CROCC2: variants seen among roughly 807,000 people sequenced by gnomAD.
CROCC2 encodes the protein ciliary rootlet coiled-coil protein 2.
CROCC2 carries 163 observed loss-of-function variants against 177.6 expected under a neutral mutation model. That is an observed-to-expected ratio of 0.92 (90% CI 0.81 to 1.05). The LOEUF (loss-of-function observed/expected upper bound fraction) is 1.05, where lower values mean the gene tolerates loss of function less well. Ranked by LOEUF, CROCC2 falls within the 50% of genes least tolerant of loss-of-function variation. The pLI, the probability that CROCC2 is intolerant of heterozygous loss-of-function variation, is 0.00. For synonymous variants in CROCC2, 904 were observed against 787.3 expected, an observed-to-expected ratio of 1.15 and a Z score of -2.48; for missense variants, 1,929 against 1,797.8, an observed-to-expected ratio of 1.07 and a Z score of -1.32.
chr2:240,962,556 G>T (rs555031264), intron 20 of CROCC2, among the ~76,000 whole-genome samples: 2 of 152,148 alleles, frequency 1.3e-5, no homozygotes, highest in South Asian at 2.1e-4. Flanking sequence ...CGGCAGCCTC[G>T]GGAGCCAGGC....
At chr2:240,983,835 C>T in intron 28 of CROCC2, 1 of 332,730 alleles carries the variant, frequency 3.0e-6, no homozygotes, top group South Asian at 2.2e-5. Context: ...AGTGTCTGAG[C>T]CCAGCTTTGC....
intron 4 of CROCC2, among the ~76,000 whole-genome samples, chr2:240,925,327 C>G (rs528682162): frequency 1.1e-4 from 17 of 152,286 alleles, no homozygotes; most frequent in Admixed American, 9.1e-4. Flanking sequence ...GAAGCCGTCC[C>G]CCACCACGGG....
intron 18 of CROCC2, among the ~76,000 whole-genome samples, chr2:240,952,731 G>C (rs1160042386): frequency 6.6e-6 from 1 of 152,204 alleles, no homozygotes; most frequent in East Asian, 1.9e-4. Flanking sequence ...GACGGGCCTT[G>C]GGCGCCAGCA....
chr2:240,962,012 A>ACC (rs2059643524), intron 20 of CROCC2, among the ~76,000 whole-genome samples: 2 of 65,066 alleles, frequency 3.1e-5, no homozygotes, highest in Admixed American at 2.8e-4. Context: ...CTCATCACCC[A>ACC]CACACACACA....
In CROCC2 at chr2:240,918,805, C is replaced by A; in HGVS notation, c.158C>A (p.Ala53Asp). The change falls in exon 2 of 32, where the codon GCC becomes GAC. Residue 53 changes from alanine (A) to aspartate (D), a missense_variant. By Grantham distance (126) the Ala-to-Asp change is moderately radical (BLOSUM62 -2). This residue lies in a region of CROCC2 where 1,397 missense variants were observed against 1,239.9 expected (regional missense o/e 1.13). Transcript: ENST00000690015. The surrounding 1 kb of genome is among the most constrained non-coding windows in gnomAD (Gnocchi z 6.3). The part of the protein sequence containing the change: ...ALTVRGEGRQ[A>D]SPTPVPTRIR... ...ACCGTGCGTGGGGAAGGCCGGCAGG[C>A]CTCGCCCACCCCCGTGCCCACCCGC... 1.6e-6 allele frequency: 1 copy of A among 607,852 alleles called. No homozygotes were observed. The allele number at this position is 607,852 out of a possible 1,614,324, so 37.7% of individuals were successfully genotyped here.
chr2:240,989,924 G>T, intron 30 of CROCC2, 91 bp downstream of exon 30: 9 of 1,278,074 alleles, frequency 7.0e-6, no homozygotes, highest in Non-Finnish European at 9.5e-6. Flanking sequence ...GTGACTTCTT[G>T]AAGTCCTCTA....
At position 240,933,258 on chromosome 2, in the gene CROCC2, G is replaced by C. The variant is rs555191258; in HGVS notation, c.1379G>C (p.Arg460Pro). The C allele has an allele frequency of 1.3e-6, 2 of 1,548,498 alleles. No homozygotes were observed. Among genetic ancestry groups the C allele is most frequent in the Non-Finnish European group, 1.7e-6 (2 of 1,146,552 alleles). ...LQQERAREQA[R>P]EREALRGQLE... ...CAGGAGCGGGCTCGGGAGCAGGCACGGGAACGAGAGGCTCTTCGGGGCCAG... is the reference window on the plus strand; with the variant it reads ...CAGGAGCGGGCTCGGGAGCAGGCACCGGAACGAGAGGCTCTTCGGGGCCAG... The change falls in exon 10 of 32, where the codon CGG becomes CCG. Residue 460 changes from arginine to proline, a missense_variant. By Grantham distance (103) the Arg-to-Pro change is moderately radical. This residue lies in a region of CROCC2 where 1,397 missense variants were observed against 1,239.9 expected (regional missense o/e 1.13). Coordinates refer to ENST00000690015, the MANE Select transcript of CROCC2 (RefSeq NM_001351305.2).
chr2:240,948,287 G>A (rs2059534876), intron 15 of CROCC2, among the ~76,000 whole-genome samples: 2 of 152,118 alleles, frequency 1.3e-5, no homozygotes, highest in Admixed American at 6.5e-5. Context: ...AGGCTTGGAT[G>A]TGCTCTACCC....
Position 240,950,414 on chromosome 2 carries a change from A to C in CROCC2, c.2733A>C (p.Lys911Asn). 1.3e-6 allele frequency: 2 copies of C among 1,550,330 alleles called. No homozygotes were observed. Among genetic ancestry groups the C allele is most frequent in the Non-Finnish European group, 1.7e-6 (2 of 1,146,832 alleles). ...AGCAGGAGAAGGAGCTGGTGACAAA[A>C]AGTGCAGCTGAGAGGGAGGCTCTGA... is the stretch of plus-strand genomic sequence containing the variant. ...QLEQEKELVTKSAAEREALKG... is the reference protein window; with the variant it reads ...QLEQEKELVTNSAAEREALKG... Residue 911 changes from lysine (K) to asparagine (N), a missense_variant, in exon 18 of 32, where the codon AAA becomes AAC. Lys to Asn is a moderately conservative substitution (Grantham distance 94). Coordinates refer to ENST00000690015, the MANE Select transcript of CROCC2 (RefSeq NM_001351305.2).
At chr2:240,992,288 G>A (rs1285662480) in intron 31 of CROCC2, among the ~76,000 whole-genome samples, 2 of 152,182 alleles carry the variant, frequency 1.3e-5, no homozygotes, top group Non-Finnish European at 2.9e-5. Flanking sequence ...TGTGCCACAG[G>A]GGCCTCCCGT....
intron 14 of CROCC2, among the ~76,000 whole-genome samples, chr2:240,945,219 A>G (rs2059515884): frequency 6.6e-6 from 1 of 152,244 alleles, no homozygotes; most frequent in Non-Finnish European, 1.5e-5. Flanking sequence ...TATAGGCGTG[A>G]GCCGCCTCAG....
chr2:240,948,978 G>A lies in CROCC2; in HGVS notation c.2364-1G>A, dbSNP rs764018191. The A allele has an allele frequency of 1.9e-6, 3 of 1,550,260 alleles. No homozygotes were observed. Among genetic ancestry groups the A allele is most frequent in the East Asian group, 4.9e-5 (2 of 40,938 alleles). ...GCCCATTGTTTGCTGCATCTTTGCA[G>A]GGTGGAGAGGGACTCCCTGGAGAGC... On this transcript the variant is annotated splice_acceptor_variant, in intron 15 of 31. Transcript: ENST00000690015. LOFTEE classifies it high-confidence loss of function.
intron 19 of CROCC2, 51 bp downstream of exon 19, chr2:240,956,023 AC>A: frequency 1.5e-6 from 2 of 1,372,406 alleles, no homozygotes; most frequent in Non-Finnish European, 2.0e-6. Flanking sequence ...GTGCTGGCAG[AC>A]CCCAGGGGGC....
intron 1 of CROCC2, among the ~76,000 whole-genome samples, chr2:240,911,676 A>C (rs12694989): frequency 7.0e-5 from 10 of 143,870 alleles, no homozygotes; most frequent in South Asian, 2.3e-4. Flanking sequence ...CCCAGCCCCC[A>C]CCATCCTACT....
chr2:240,925,357 G>T (rs1035577424), intron 4 of CROCC2, among the ~76,000 whole-genome samples: 27 of 152,228 alleles, frequency 1.8e-4, no homozygotes, highest in African/African-American at 6.5e-4. Context: ...CTCCCTCTCC[G>T]CGTCACCCCG....
chr2:240,988,713 G>A, intron 28 of CROCC2, 26 bp from the exon 29 acceptor site: 4 of 1,350,940 alleles, frequency 3.0e-6, no homozygotes, highest in Non-Finnish European at 3.8e-6. Context: ...GGAGGCCACA[G>A]GTTCTGCCTC....
At chr2:240,926,449 C>T (rs181187792) in intron 5 of CROCC2, among the ~76,000 whole-genome samples, 24 of 152,342 alleles carry the variant, frequency 1.6e-4, no homozygotes, top group Admixed American at 1.4e-3. Context: ...GCTGCTGTGG[C>T]CTTGGGTACC....
In CROCC2 at chr2:240,982,779, C is replaced by T. The variant is rs1410383018; in HGVS notation, c.4402-101C>T. 3 of 1,005,494 alleles carry T rather than the reference C, an allele frequency of 3.0e-6. No individual in the cohort carries two copies. Among genetic ancestry groups the T allele is most frequent in the Non-Finnish European group, 4.3e-6 (3 of 693,840 alleles). 62.3% of individuals were successfully genotyped at this position (1,005,494 alleles called of 1,614,324 possible). A position where few individuals can be genotyped will look rare whatever the true frequency, so the allele number is the denominator to read the frequency against. On this transcript the variant is annotated intron_variant, in intron 27 of 31. Coordinates refer to ENST00000690015, the MANE Select transcript of CROCC2 (RefSeq NM_001351305.2). The surrounding 1 kb of genome is among the most constrained non-coding windows in gnomAD (Gnocchi z 4.7). ...GCTGTTTTCATCCCAGCGATACGGT[C>T]CTGCCAGACGGTCTAGGCAGATGCC...
At chr2:240,941,659 T>G (rs1360357091) in intron 14 of CROCC2, among the ~76,000 whole-genome samples, 1 of 152,220 alleles carries the variant, frequency 6.6e-6, no homozygotes, top group Non-Finnish European at 1.5e-5. Context: ...TTCTTTTTGT[T>G]AGTTTTAGTG....
Sources: allele counts gnomAD v4.1 joint callset (sites outside exome capture counted in the v4.1 genomes callset), GRCh38; gene constraint gnomAD v4.1.1; regional missense constraint gnomAD v4.1.1; non-coding constraint Gnocchi (gnomAD v3.1); transcripts MANE v1.5; gene names NCBI Gene and HGNC (gene_info 2026-07-23, HGNC 2026-07-21).